Variants in GMPR observed in about 807,000 individuals in gnomAD.
The protein encoded by GMPR is guanosine monophosphate reductase.
In GMPR, 31 loss-of-function variants were observed where a neutral mutation model predicts 38.4. The observed-to-expected ratio is 0.81, with a 90% CI of 0.61 to 1.09. The LOEUF is 1.09. GMPR is among the 50% of genes least tolerant of loss of function. GMPR has a pLI of 0.00. For missense variants in GMPR, 468 were observed against 453.7 expected (o/e 1.03, Z -0.29); for synonymous variants, 162 against 173.3 (o/e 0.93, Z 0.51).
chr6:16,241,356 T>C (rs1758645253), intron 1 of GMPR, among the ~76,000 whole-genome samples: 1 of 152,122 alleles, frequency 6.6e-6, no homozygotes, highest in Non-Finnish European at 1.5e-5. Context: ...AAGAGTGATC[T>C]CCCCCTCAGA....
intron 6 of GMPR, among the ~76,000 whole-genome samples, chr6:16,285,033 C>G (rs6907255): frequency 9.2e-6 from 1 of 108,600 alleles, no homozygotes; most frequent in Non-Finnish European, 1.9e-5. Context: ...AAAAAAAAAA[C>G]AAAAAAAAAA....
intron 7 of GMPR, among the ~76,000 whole-genome samples, chr6:16,287,735 G>A (rs897453888): frequency 5.3e-5 from 8 of 152,184 alleles, no homozygotes; most frequent in Non-Finnish European, 8.8e-5. Context: ...GAGGACCAGG[G>A]AGTCAGCATT....
chr6:16,289,043 C>T (rs180025), intron 7 of GMPR, among the ~76,000 whole-genome samples: 3,094 of 152,284 alleles, frequency 0.02, 78 homozygotes, highest in Admixed American at 0.073. Flanking sequence ...AGTGGCAAAC[C>T]CTTCTGGCTC....
chr6:16,259,786 C>T (rs1759046380), intron 4 of GMPR, among the ~76,000 whole-genome samples: 1 of 152,074 alleles, frequency 6.6e-6, no homozygotes, highest in Non-Finnish European at 1.5e-5. Context: ...ATTAGAGTGC[C>T]TAAGGAAATT....
intron 1 of GMPR, 23 bp from the exon 2 acceptor site, chr6:16,246,815 TTTTC>T (rs2113669120): frequency 6.2e-7 from 1 of 1,605,290 alleles, no homozygotes; most frequent in Non-Finnish European, 8.5e-7. Flanking sequence ...TTCTTTCCCT[TTTTC>T]TTTCTTTTTT....
At chr6:16,291,093 A>C (rs955588932) in intron 8 of GMPR, among the ~76,000 whole-genome samples, 5 of 152,334 alleles carry the variant, frequency 3.3e-5, no homozygotes, top group Admixed American at 3.3e-4. Context: ...AGAATGCTGC[A>C]TACAGCTCAT....
intron 4 of GMPR, chr6:16,263,201 C>CT (rs1759121529): frequency 6.6e-6 from 1 of 151,618 alleles, no homozygotes; most frequent in African/African-American, 2.4e-5. Context: ...AGAGAGGGAC[C>CT]GATGTGTAAA....
chr6:16,254,686 T>A lies in GMPR; in HGVS notation c.416T>A (p.Val139Glu). The A allele has an allele frequency of 6.2e-7, 1 of 1,613,976 alleles. No individual in the cohort carries two copies. The highest frequency in any genetic ancestry group is 8.5e-7 in the Non-Finnish European group (1 of 1,179,848). Residue 139 changes from valine to glutamate, a missense_variant, in exon 4 of 9, where the codon GTG (valine) becomes GAG (glutamate). By Grantham distance (121) the Val-to-Glu change is moderately radical (BLOSUM62 -2). Coordinates refer to ENST00000259727, the MANE Select transcript of GMPR (RefSeq NM_006877.4). ...GCCAATGGGTATTCAGAACATTTTG[T>A]GGAATTCGTGAAACTTGTCCGTGCC... ...DVANGYSEHF[V>E]EFVKLVRAKF...
intron 5 of GMPR, among the ~76,000 whole-genome samples, chr6:16,276,181 A>AT (rs1015878849): frequency 3.2e-4 from 48 of 151,636 alleles, no homozygotes; most frequent in African/African-American, 1.1e-3. Flanking sequence ...TCAAAGCTTT[A>AT]TTTTTTTTGA....
intron 3 of GMPR, among the ~76,000 whole-genome samples, chr6:16,252,636 G>A (rs138525478): frequency 2.1e-3 from 324 of 152,266 alleles, no homozygotes; most frequent in African/African-American, 7.2e-3. Context: ...TACACAGCCC[G>A]CCACCAAATA....
intron 4 of GMPR, among the ~76,000 whole-genome samples, chr6:16,268,042 C>A (rs779976434): frequency 6.6e-6 from 1 of 152,178 alleles, no homozygotes; most frequent in Non-Finnish European, 1.5e-5. Context: ...AAGCTTGGGG[C>A]AGGTCTGGGG....
chr6:16,253,296 T>A (rs1758910072), intron 3 of GMPR, among the ~76,000 whole-genome samples: 1 of 152,248 alleles, frequency 6.6e-6, no homozygotes, highest in Admixed American at 6.5e-5. Context: ...GCATGCTGTA[T>A]TAGGTTGTTC....
At chr6:16,252,493 C>T (rs1173524935) in intron 3 of GMPR, among the ~76,000 whole-genome samples, 1 of 152,166 alleles carries the variant, frequency 6.6e-6, no homozygotes, top group Non-Finnish European at 1.5e-5. Flanking sequence ...CCACCTCGGC[C>T]TCCTAAAGTG....
At chr6:16,259,359 G>C (rs538483779) in intron 4 of GMPR, 1 of 151,996 alleles carries the variant, frequency 6.6e-6, no homozygotes, top group Non-Finnish European at 1.5e-5. Context: ...GGCAGGAACC[G>C]GCCATCTGGA....
chr6:16,257,138 A>C (rs1758997327), intron 4 of GMPR, among the ~76,000 whole-genome samples: 1 of 152,158 alleles, frequency 6.6e-6, no homozygotes, highest in South Asian at 2.1e-4. Flanking sequence ...CTGGAAGTAG[A>C]GTTAATAATC....
intron 3 of GMPR, among the ~76,000 whole-genome samples, chr6:16,251,770 C>T (rs1758881002): frequency 6.6e-6 from 1 of 152,040 alleles, no homozygotes; most frequent in Non-Finnish European, 1.5e-5. Flanking sequence ...ATGATGGTTA[C>T]AGAACTCTAA....
chr6:16,287,193 A>C (rs923103971), intron 7 of GMPR, among the ~76,000 whole-genome samples: 5 of 152,384 alleles, frequency 3.3e-5, no homozygotes, highest in Middle Eastern at 3.4e-3. Context: ...GGGAGAATAC[A>C]GAGCCTCTGC....
At chr6:16,261,525 A>G (rs1025790446) in intron 4 of GMPR, among the ~76,000 whole-genome samples, 1 of 151,954 alleles carries the variant, frequency 6.6e-6, no homozygotes, top group African/African-American at 2.4e-5. Flanking sequence ...TGAGGATAGG[A>G]GAGTATATGG....
chr6:16,282,288 G>A (rs201322685), intron 6 of GMPR, among the ~76,000 whole-genome samples: 1 of 68,706 alleles, frequency 1.5e-5, no homozygotes, highest in Non-Finnish European at 2.8e-5. Flanking sequence ...CATAGGTGAA[G>A]ATTAAGGTGG....
Sources: gnomAD v4.1 joint callset for allele counts (sites outside exome capture counted in the v4.1 genomes callset) on GRCh38, gnomAD v4.1.1 for gene constraint, MANE v1.5 for transcripts, NCBI Gene and HGNC (gene_info 2026-07-23, HGNC 2026-07-21) for gene names.